The following NRXN3 variants were observed in gnomAD, a reference collection of about 807,000 sequenced individuals.
NRXN3 encodes the protein neurexin 3, also known as neurexin III.
In NRXN3, 32 loss-of-function variants were observed where a neutral mutation model predicts 137.6. The ratio of observed to expected loss-of-function variants is 0.23; its 90% CI spans 0.18 to 0.31. The LOEUF (loss-of-function observed/expected upper bound fraction) is 0.31, where lower values mean the gene tolerates loss of function less well. Among genes scored for constraint, NRXN3 ranks in the 10% least tolerant of loss-of-function variants. The probability of loss-of-function intolerance (pLI) is 1.00; values close to 1 mark genes in which losing one functional copy is unlikely to be tolerated. For missense variants in NRXN3, 1,574 were observed against 2,062.5 expected (o/e 0.76, Z 4.59); for synonymous variants, 798 against 784.5 (o/e 1.02, Z -0.29).
intron 1 of NRXN3, among the ~76,000 whole-genome samples, chr14:78,241,838 A>C (rs2067124041): frequency 6.6e-6 from 1 of 151,914 alleles, no homozygotes; most frequent in African/African-American, 2.4e-5. Context: ...TCCTCTCTTA[A>C]TATTCAGTAA....
At chr14:79,451,013 A>G (rs554013460) in intron 15 of NRXN3, among the ~76,000 whole-genome samples, 1 of 152,170 alleles carries the variant, frequency 6.6e-6, no homozygotes, top group African/African-American at 2.4e-5. Context: ...TGTTTCCACC[A>G]GTCATCACTG....
intron 19 of NRXN3, among the ~76,000 whole-genome samples, chr14:79,769,810 T>A (rs1306211182): frequency 6.6e-6 from 1 of 152,044 alleles, no homozygotes; most frequent in African/African-American, 2.4e-5. Flanking sequence ...AATTCTCCAA[T>A]TAAAAGACAC....
At chr14:79,453,284 C>T (rs573794411) in intron 15 of NRXN3, among the ~76,000 whole-genome samples, 55 of 151,714 alleles carry the variant, frequency 3.6e-4, no homozygotes, top group African/African-American at 5.1e-4. Context: ...CCAGCCTGGA[C>T]GACAGAACGA....
chr14:79,799,952 T>C (rs1044923250), intron 19 of NRXN3, among the ~76,000 whole-genome samples: 1 of 152,180 alleles, frequency 6.6e-6, no homozygotes, highest in Non-Finnish European at 1.5e-5. Context: ...TGAAAAAGAT[T>C]CATTAAAGTA....
At chr14:78,314,706 A>T (rs1488090867) in intron 4 of NRXN3, among the ~76,000 whole-genome samples, 8 of 152,094 alleles carry the variant, frequency 5.3e-5, no homozygotes, top group Non-Finnish European at 4.4e-5. Flanking sequence ...GCCCCAGTGG[A>T]TGAGTTGTGT....
At chr14:78,319,429 G>T (rs1053370238) in intron 4 of NRXN3, among the ~76,000 whole-genome samples, 2 of 152,176 alleles carry the variant, frequency 1.3e-5, no homozygotes, top group Non-Finnish European at 2.9e-5. Context: ...TCCTCTTCAT[G>T]CTCCTAAAAA....
intron 16 of NRXN3, among the ~76,000 whole-genome samples, chr14:79,554,391 T>G (rs1192049818): frequency 1.3e-5 from 2 of 152,200 alleles, no homozygotes; most frequent in Non-Finnish European, 2.9e-5. Flanking sequence ...TCATTGAGCA[T>G]GACATACTTC....
intron 4 of NRXN3, among the ~76,000 whole-genome samples, chr14:78,473,918 C>T (rs1056527346): frequency 1.3e-5 from 2 of 152,156 alleles, no homozygotes; most frequent in Admixed American, 6.5e-5. Context: ...AAAGAGCAAA[C>T]GTGTAAGTGT....
At chr14:79,251,458 C>T (rs2075916658) in intron 15 of NRXN3, among the ~76,000 whole-genome samples, 1 of 152,034 alleles carries the variant, frequency 6.6e-6, no homozygotes, top group Non-Finnish European at 1.5e-5. Context: ...ATGTCATTAA[C>T]TACAGTATAC....
rs1263773381 is a variant in NRXN3, at chr14:78,921,221, A to AT, written c.2276-36014dup. Among the ~76,000 whole-genome samples, 40 of 152,180 alleles carry AT rather than the reference A, an allele frequency of 2.6e-4. 1 individual carries two copies. Among genetic ancestry groups the AT allele is most frequent in the Admixed American group, 2.4e-3 (36 of 15,270 alleles). ...TTTGTGCCAGGAAGCTGGGAGAAAG[A>AT]TTTTTTTGTTGTTGTTACACTACAC... On this transcript the variant is annotated intron_variant, in intron 10 of 20. Transcript: ENST00000335750.
At chr14:78,737,625 G>C (rs535260802) in intron 8 of NRXN3, among the ~76,000 whole-genome samples, 167 of 152,270 alleles carry the variant, frequency 1.1e-3, no homozygotes, top group African/African-American at 3.5e-3. Flanking sequence ...GCAAAAAAGG[G>C]GGGGAGGGGT....
intron 4 of NRXN3, among the ~76,000 whole-genome samples, chr14:78,554,800 A>C (rs963834037): frequency 6.6e-6 from 1 of 152,292 alleles, no homozygotes; most frequent in African/African-American, 2.4e-5. Context: ...TAGGCAAGGT[A>C]CTGGGGAGTG....
chr14:79,259,741 CACATAT>C (rs1378533022), intron 15 of NRXN3, among the ~76,000 whole-genome samples: 2 of 142,908 alleles, frequency 1.4e-5, no homozygotes, highest in Non-Finnish European at 3.1e-5. Context: ...CACACACACA[CACATAT>C]ACACACACAC....
intron 8 of NRXN3, among the ~76,000 whole-genome samples, chr14:78,768,989 C>T (rs2098718095): frequency 6.6e-6 from 1 of 152,206 alleles, no homozygotes; most frequent in South Asian, 2.1e-4. Context: ...CCTCCATCTT[C>T]ATCTCCATCT....
At chr14:78,923,664 G>A (rs906518762) in intron 10 of NRXN3, among the ~76,000 whole-genome samples, 2 of 152,194 alleles carry the variant, frequency 1.3e-5, no homozygotes, top group African/African-American at 4.8e-5. Flanking sequence ...TGGAGATCTT[G>A]CTTTGCTATG....
chr14:78,519,973 A>G (rs1465182587), intron 4 of NRXN3, among the ~76,000 whole-genome samples: 2 of 152,214 alleles, frequency 1.3e-5, no homozygotes, highest in Middle Eastern at 3.2e-3. Flanking sequence ...AGTCAACCAA[A>G]GAAGACCCAA....
intron 1 of NRXN3, among the ~76,000 whole-genome samples, chr14:78,189,739 C>T (rs2060546159): frequency 6.6e-6 from 1 of 152,176 alleles, no homozygotes; most frequent in Non-Finnish European, 1.5e-5. Flanking sequence ...GCATGCGCCA[C>T]CACACCTAGA....
intron 4 of NRXN3, among the ~76,000 whole-genome samples, chr14:78,458,853 T>G (rs551949568): frequency 6.6e-6 from 1 of 152,302 alleles, no homozygotes; most frequent in East Asian, 1.9e-4. Flanking sequence ...GCCATCTAAC[T>G]AAGGAGAAGA....
chr14:78,938,950 A>G (rs1467209884), intron 10 of NRXN3, among the ~76,000 whole-genome samples: 1 of 148,624 alleles, frequency 6.7e-6, no homozygotes, highest in Non-Finnish European at 1.5e-5. Context: ...GGTTCACGCC[A>G]TTCTCCTGCC....
Sources: gnomAD v4.1 joint callset for allele counts (sites outside exome capture counted in the v4.1 genomes callset) on GRCh38, gnomAD v4.1.1 for gene constraint, MANE v1.5 for transcripts, NCBI Gene and HGNC (gene_info 2026-07-23, HGNC 2026-07-21) for gene names.